The following GMDS variants were observed in gnomAD, a reference collection of about 807,000 sequenced individuals.
GMDS encodes GDP-mannose 4,6-dehydratase.
Under a neutral mutation model 49.9 loss-of-function variants are expected in GMDS, and 20 were observed. The ratio of observed to expected loss-of-function variants is 0.40; its 90% CI spans 0.28 to 0.58. The LOEUF is 0.58. Among genes scored for constraint, GMDS ranks in the 20% least tolerant of loss-of-function variants. GMDS has a pLI of 0.42. For missense variants in GMDS, 362 were observed against 481.4 expected, an observed-to-expected ratio of 0.75 and a Z score of 2.32; for synonymous variants, 177 against 178.6, an observed-to-expected ratio of 0.99 and a Z score of 0.07.
At chr6:2,119,094 ACT>A (rs1321110621) in intron 2 of GMDS, among the ~76,000 whole-genome samples, 3 of 152,166 alleles carry the variant, frequency 2.0e-5, no homozygotes. Context: ...AAGTCTATAT[ACT>A]AAAAAGAGTA....
At chr6:2,004,352 T>C (rs1372297269) in intron 4 of GMDS, among the ~76,000 whole-genome samples, 1 of 152,212 alleles carries the variant, frequency 6.6e-6, no homozygotes, top group Non-Finnish European at 1.5e-5. Flanking sequence ...CGCTATTTAT[T>C]ATCCCTCACC....
chr6:1,747,864 T>C (rs1256558392), intron 7 of GMDS, among the ~76,000 whole-genome samples: 12 of 152,166 alleles, frequency 7.9e-5, no homozygotes, highest in African/African-American at 2.7e-4. Context: ...ATTTTCTTCC[T>C]GGGCAAAAAC....
At chr6:1,710,449 C>T (rs1765905342) in intron 9 of GMDS, among the ~76,000 whole-genome samples, 1 of 152,240 alleles carries the variant, frequency 6.6e-6, no homozygotes, top group Non-Finnish European at 1.5e-5. Flanking sequence ...TGCTCTGGAC[C>T]TGCCGTGGTA....
intron 7 of GMDS, among the ~76,000 whole-genome samples, chr6:1,819,318 C>T (rs917141845): frequency 2.6e-5 from 4 of 152,130 alleles, no homozygotes; most frequent in African/African-American, 9.7e-5. Context: ...CCTGCAATTA[C>T]TAAGTGGTTT....
chr6:1,871,413 T>C (rs1758745440), intron 7 of GMDS, among the ~76,000 whole-genome samples: 1 of 152,204 alleles, frequency 6.6e-6, no homozygotes, highest in African/African-American at 2.4e-5. Flanking sequence ...ATTTTAAAAA[T>C]TGCTGTAAAA....
intron 7 of GMDS, among the ~76,000 whole-genome samples, chr6:1,864,366 C>G (rs922228546): frequency 6.6e-6 from 1 of 152,118 alleles, no homozygotes; most frequent in African/African-American, 2.4e-5. Context: ...AATAAAACAG[C>G]CCTCCATTCT....
rs1448413376 is a variant in GMDS, at chr6:1,746,735, T to TG, written c.772-4150_772-4149insC. 2.0e-5 allele frequency among the ~76,000 whole-genome samples: 3 copies of TG among 152,276 alleles called. No individual in the cohort carries two copies. In the East Asian group the frequency reaches 5.8e-4, roughly 29 times the overall value. ...TTTATTTTTTGAGACAGAATCTTGC[T>TG]CTGTCGCCCAGGCTGGAGTACAGTG... On this transcript the variant is annotated intron_variant, in intron 7 of 10. Coordinates refer to ENST00000380815, the MANE Select transcript of GMDS (RefSeq NM_001500.4).
rs137958305 is a variant in GMDS, at chr6:2,085,010, GT to G, written c.345+30760del. On this transcript the variant is annotated intron_variant, in intron 4 of 10. Coordinates refer to ENST00000380815, the MANE Select transcript of GMDS (RefSeq NM_001500.4). ...TTTAGCAACCCTATCATTTTTCAAG[GT>G]TGTACCAGTTTTTACTAGACAAAGC... 2.6e-3 allele frequency among the ~76,000 whole-genome samples: 393 copies of G among 152,178 alleles called. 2 individuals carry two copies. Among genetic ancestry groups the G allele is most frequent in the African/African-American group, 9.2e-3 (383 of 41,526 alleles).
chr6:1,990,954 C>T (rs1366829418), intron 4 of GMDS, among the ~76,000 whole-genome samples: 1 of 152,144 alleles, frequency 6.6e-6, no homozygotes, highest in Non-Finnish European at 1.5e-5. Context: ...GCATTATCAA[C>T]TTGTGGATGT....
intron 1 of GMDS, among the ~76,000 whole-genome samples, chr6:2,226,688 T>G (rs1453232814): frequency 1.3e-5 from 2 of 152,316 alleles, no homozygotes; most frequent in East Asian, 3.9e-4. Context: ...CTACTAGCAT[T>G]TACTCTCCTA....
intron 1 of GMDS, among the ~76,000 whole-genome samples, chr6:2,202,188 T>C (rs1318092677): frequency 1.4e-5 from 2 of 142,554 alleles, no homozygotes; most frequent in Non-Finnish European, 3.1e-5. Flanking sequence ...ACATCCGAGA[T>C]GTAACCATCT....
chr6:1,839,732 G>A (rs920062918), intron 7 of GMDS, among the ~76,000 whole-genome samples: 1 of 152,176 alleles, frequency 6.6e-6, no homozygotes, highest in African/African-American at 2.4e-5. Context: ...GTCAGGCAAA[G>A]CTGAAAGCAC....
chr6:2,131,157 G>T (rs932794549), intron 1 of GMDS, among the ~76,000 whole-genome samples: 1 of 152,022 alleles, frequency 6.6e-6, no homozygotes, highest in Admixed American at 6.6e-5. Context: ...ATTAGAGCAA[G>T]GAAGAACGCA....
At chr6:1,840,139 A>T (rs562897456) in intron 7 of GMDS, among the ~76,000 whole-genome samples, 41 of 152,320 alleles carry the variant, frequency 2.7e-4, no homozygotes, top group Non-Finnish European at 4.0e-4. Flanking sequence ...ACAGTTCTTG[A>T]AATGTATTTT....
At chr6:2,000,815 C>T (rs990314903) in intron 4 of GMDS, among the ~76,000 whole-genome samples, 7 of 152,322 alleles carry the variant, frequency 4.6e-5, no homozygotes, top group Admixed American at 2.0e-4. Context: ...GCATACACCA[C>T]CATGCCCAGC....
chr6:1,973,042 T>G (rs181866920), intron 4 of GMDS, among the ~76,000 whole-genome samples: 1 of 152,238 alleles, frequency 6.6e-6, no homozygotes, highest in Non-Finnish European at 1.5e-5. Flanking sequence ...TATTTTAGAA[T>G]GTGCTTAAAG....
intron 7 of GMDS, among the ~76,000 whole-genome samples, chr6:1,821,075 G>A (rs918627072): frequency 2.6e-5 from 4 of 152,128 alleles, no homozygotes; most frequent in Non-Finnish European, 5.9e-5. Flanking sequence ...CTCTATATAT[G>A]GATGCATATA....
At chr6:1,839,590 C>T (rs1757068568) in intron 7 of GMDS, among the ~76,000 whole-genome samples, 1 of 152,198 alleles carries the variant, frequency 6.6e-6, no homozygotes, top group African/African-American at 2.4e-5. Flanking sequence ...GTACAATTAT[C>T]CCTTCAAGTA....
chr6:1,873,747 T>C (rs1056116270), intron 7 of GMDS, among the ~76,000 whole-genome samples: 1 of 152,174 alleles, frequency 6.6e-6, no homozygotes, highest in Admixed American at 6.5e-5. Context: ...TAACGCCAGC[T>C]TGGTGAAAGA....
Sources: allele counts gnomAD v4.1 joint callset (sites outside exome capture counted in the v4.1 genomes callset), GRCh38; gene constraint gnomAD v4.1.1; transcripts MANE v1.5; gene names NCBI Gene and HGNC (gene_info 2026-07-23, HGNC 2026-07-21).